ZNF354B: variants seen among roughly 807,000 people sequenced by gnomAD.
The protein encoded by ZNF354B is zinc finger protein 354B.
A neutral mutation model predicts 12.9 loss-of-function variants in ZNF354B; 10 were observed. The observed-to-expected ratio is 0.77, with a 90% CI of 0.48 to 1.31. The LOEUF (loss-of-function observed/expected upper bound fraction) is 1.31. ZNF354B is among the 40% of genes most tolerant of loss of function. The probability of loss-of-function intolerance (pLI) is 0.00; values close to 1 mark genes in which losing one functional copy is unlikely to be tolerated. For synonymous variants in ZNF354B, 260 were observed against 243.7 expected (o/e 1.07, Z -0.62); for missense variants, 614 against 711.7 (o/e 0.86, Z 1.56).
At chr5:178,865,893 T>C (rs762390740) in intron 2 of ZNF354B, among the ~76,000 whole-genome samples, 2 of 152,188 alleles carry the variant, frequency 1.3e-5, no homozygotes, top group African/African-American at 4.8e-5. Context: ...CTTGTGCTTA[T>C]ATTTTTGTGC....
At chr5:178,879,532 A>G (rs891810644) in intron 4 of ZNF354B, among the ~76,000 whole-genome samples, 1 of 151,898 alleles carries the variant, frequency 6.6e-6, no homozygotes, top group African/African-American at 2.4e-5. Flanking sequence ...GGCACCCGCC[A>G]TCATGCCCAG....
chr5:178,884,151 G>T lies in ZNF354B; in HGVS notation c.1699G>T (p.Ala567Ser), dbSNP rs894717836. The change falls in exon 5 of 5, where the codon GCA (alanine) becomes TCA (serine). Residue 567 changes from alanine to serine, a missense_variant. Transcript: ENST00000322434. The part of the protein sequence containing the change: ...KTFRQSSSLI[A>S]HQRIHTGEKP... ...TTTTAGACAAAGCTCATCACTTATT[G>T]CACATCAAAGAATTCATACTGGAGA... is the stretch of plus-strand genomic sequence containing the variant. The T allele has an allele frequency of 6.2e-7, 1 of 1,613,768 alleles. No homozygotes were observed. Among genetic ancestry groups the T allele is most frequent in the Non-Finnish European group, 8.5e-7 (1 of 1,179,884 alleles).
intron 4 of ZNF354B, among the ~76,000 whole-genome samples, chr5:178,879,227 A>G (rs1301207558): frequency 6.7e-6 from 1 of 149,176 alleles, no homozygotes; most frequent in Non-Finnish European, 1.5e-5. Context: ...TTTTGTGTTT[A>G]GTAGAGATGG....
chr5:178,879,089 C>T (rs1486859604), intron 4 of ZNF354B, among the ~76,000 whole-genome samples: 1 of 151,814 alleles, frequency 6.6e-6, no homozygotes, highest in African/African-American at 2.4e-5. Context: ...CACTCTGTTG[C>T]CCAGGCTGGA....
intron 2 of ZNF354B, among the ~76,000 whole-genome samples, chr5:178,864,202 G>C (rs548565549): frequency 1.4e-4 from 21 of 152,304 alleles, no homozygotes; most frequent in African/African-American, 5.1e-4. Flanking sequence ...TCCATTCATG[G>C]CAAGAGCCCT....
At chr5:178,868,800 G>A (rs1483583959) in intron 4 of ZNF354B, among the ~76,000 whole-genome samples, 4 of 151,986 alleles carry the variant, frequency 2.6e-5, no homozygotes, top group Non-Finnish European at 4.4e-5. Context: ...GTGAAACCCC[G>A]TCTCTACTAA....
chr5:178,879,588 A>G (rs6883566), intron 4 of ZNF354B, among the ~76,000 whole-genome samples: 22,478 of 151,830 alleles, frequency 0.15, 2,026 homozygotes, highest in African/African-American at 0.25. Context: ...CATGTTGATC[A>G]GGATGGTCTT....
At chr5:178,881,675 T>G (rs1423119835) in intron 4 of ZNF354B, among the ~76,000 whole-genome samples, 1 of 152,196 alleles carries the variant, frequency 6.6e-6, no homozygotes, top group Non-Finnish European at 1.5e-5. Flanking sequence ...ACTGTTTTTT[T>G]GAGATGGAGT....
At chr5:178,861,444 C>G (rs183490741) in intron 2 of ZNF354B, among the ~76,000 whole-genome samples, 5 of 152,306 alleles carry the variant, frequency 3.3e-5, no homozygotes, top group African/African-American at 7.2e-5. Flanking sequence ...TCTTTTCACC[C>G]CTGAGAATCC....
intron 4 of ZNF354B, among the ~76,000 whole-genome samples, chr5:178,873,255 T>C (rs1757589434): frequency 1.3e-5 from 2 of 152,232 alleles, no homozygotes; most frequent in African/African-American, 4.8e-5. Flanking sequence ...TGTCTTTTTA[T>C]CGTTTTTACT....
chr5:178,867,155 A>T, intron 4 of ZNF354B, 84 bp downstream of exon 4: 1 of 1,326,848 alleles, frequency 7.5e-7, no homozygotes, highest in Non-Finnish European at 1.1e-6. Flanking sequence ...TGGTTGGGAA[A>T]CTCCCTTGAG....
At position 178,867,086 on chromosome 5, in the gene ZNF354B, C is replaced by T. The variant is rs202177893; in HGVS notation, c.256+15C>T. Reference sequence around the variant, plus strand: ...CTCCTCTCTAGGTAAGTGGGTGGCCCGAGGTGCTCGGGAATGGCCGCAGAC... The same window carrying T: ...CTCCTCTCTAGGTAAGTGGGTGGCCTGAGGTGCTCGGGAATGGCCGCAGAC... On this transcript the variant is annotated intron_variant, in intron 4 of 4. Coordinates refer to ENST00000322434, the MANE Select transcript of ZNF354B (RefSeq NM_058230.3). The T allele has an allele frequency of 2.0e-4, 315 of 1,608,140 alleles. 3 individuals carry two copies. The East Asian group carries it at 6.6e-3, about 34-fold the overall frequency.
rs1132331 is a variant in ZNF354B, at chr5:178,866,264, C to T, written c.54C>T (p.Asp18=). Residue 18 remains aspartate, a synonymous_variant, in exon 3 of 5, where the codon GAC becomes GAT. Transcript: ENST00000322434. ...ARPQVSLTFE[D]VAVLFTWDEW... Reference sequence around the variant, plus strand: ...TACAGGTGTCACTGACATTCGAGGACGTGGCTGTGCTCTTTACCTGGGATG... The same window carrying T: ...TACAGGTGTCACTGACATTCGAGGATGTGGCTGTGCTCTTTACCTGGGATG... The T allele has an allele frequency of 7.5e-3, 12,127 of 1,612,564 alleles. 775 individuals are homozygous for T. The African/African-American group carries it at 0.14, about 18-fold the overall frequency.
intron 2 of ZNF354B, among the ~76,000 whole-genome samples, chr5:178,864,898 CAG>C (rs1757422873): frequency 6.6e-6 from 1 of 152,012 alleles, no homozygotes; most frequent in African/African-American, 2.4e-5. Flanking sequence ...GCTAGGATTA[CAG>C]GTGTGAGCCA....
chr5:178,869,060 G>C (rs1291384549), intron 4 of ZNF354B, among the ~76,000 whole-genome samples: 1 of 152,278 alleles, frequency 6.6e-6, no homozygotes, highest in East Asian at 1.9e-4. Context: ...GAAGAGAGCC[G>C]CGGGCCTTGT....
chr5:178,879,130 C>T (rs185068363), intron 4 of ZNF354B, among the ~76,000 whole-genome samples: 163 of 149,014 alleles, frequency 1.1e-3, no homozygotes, highest in African/African-American at 3.8e-3. Flanking sequence ...CTCACTTCAG[C>T]CTCTGCCTCC....
rs1474461728 is a variant in ZNF354B at position 178,884,810 on chromosome 5, T to A, written c.*519T>A. The A allele has an allele frequency of 2.6e-5, 4 of 152,420 alleles. No homozygotes were observed. The highest frequency in any genetic ancestry group is 1.3e-4 in the Admixed American group (2 of 15,306). The allele number at this position is 152,420 out of a possible 1,614,324, so 9.4% of individuals were successfully genotyped here. A position where few individuals can be genotyped will look rare whatever the true frequency, so the allele number is the denominator to read the frequency against. ...ACTCCAGATGTGCTGACCCCTTCAATTTCCCAAAATGTGGAAAACTCAACT... is the reference window on the plus strand; with the variant it reads ...ACTCCAGATGTGCTGACCCCTTCAAATTCCCAAAATGTGGAAAACTCAACT... On this transcript the variant is annotated 3_prime_UTR_variant, in exon 5 of 5. Transcript: ENST00000322434.
chr5:178,863,989 T>G (rs1757405381), intron 2 of ZNF354B, among the ~76,000 whole-genome samples: 1 of 152,008 alleles, frequency 6.6e-6, no homozygotes, highest in Non-Finnish European at 1.5e-5. Context: ...TACAAAAGAG[T>G]CAAAGTTTGA....
At chr5:178,873,752 G>A (rs987344693) in intron 4 of ZNF354B, among the ~76,000 whole-genome samples, 1 of 152,084 alleles carries the variant, frequency 6.6e-6, no homozygotes, top group Non-Finnish European at 1.5e-5. Context: ...TTCTTTGTAT[G>A]AATTTTAGAA....
Sources: gnomAD v4.1 joint callset for allele counts (sites outside exome capture counted in the v4.1 genomes callset) on GRCh38, gnomAD v4.1.1 for gene constraint, MANE v1.5 for transcripts, NCBI Gene and HGNC (gene_info 2026-07-23, HGNC 2026-07-21) for gene names.